The following FMNL3 variants were observed in gnomAD, a reference collection of about 807,000 sequenced individuals.
FMNL3 encodes the protein formin-like protein 3.
A neutral mutation model predicts 119.6 loss-of-function variants in FMNL3; 57 were observed. That is an observed-to-expected ratio of 0.48 (90% CI 0.39 to 0.59). The LOEUF is 0.59. Among genes scored for constraint, FMNL3 ranks in the 20% least tolerant of loss-of-function variants. The pLI, the probability that FMNL3 is intolerant of heterozygous loss-of-function variation, is 0.00. For synonymous variants in FMNL3, 491 were observed against 507.3 expected (o/e 0.97, Z 0.43); for missense variants, 1,053 against 1,323.5 (o/e 0.80, Z 3.17).
rs1000016086 is a variant in FMNL3, at chr12:49,637,274, T to G, written c.*8541A>C. The G allele has an allele frequency of 3.3e-6, 2 of 598,700 alleles. No individual in the cohort carries two copies. The highest frequency in any genetic ancestry group is 3.7e-5 in the African/African-American group (2 of 53,922). 37.1% of individuals were successfully genotyped at this position (598,700 alleles called of 1,614,324 possible). On this transcript the variant is annotated 3_prime_UTR_variant, in exon 26 of 26. Transcript: ENST00000335154. ...TTCTCACCTTTTTGTTCTGTCCCTC[T>G]CTGTGTATTTACTTTCTCTCTTTTT... is the stretch of plus-strand genomic sequence containing the variant.
intron 5 of FMNL3, among the ~76,000 whole-genome samples, chr12:49,660,584 C>A (rs1943704096): frequency 6.6e-6 from 1 of 152,162 alleles, no homozygotes; most frequent in Admixed American, 6.5e-5. Flanking sequence ...ATAGAAGAAG[C>A]ATCAAATTCC....
At position 49,637,964 on chromosome 12, in the gene FMNL3, C is replaced by A; in HGVS notation, c.*7851G>T. ...ATCTACTGTGATCCTTTACTGCACA[C>A]TAGGGATACAGTAATGAATACACAA... On this transcript the variant is annotated 3_prime_UTR_variant, in exon 26 of 26. Transcript: ENST00000335154. 1.5e-6 allele frequency: 1 copy of A among 661,444 alleles called. No individual in the cohort carries two copies. The allele number at this position is 661,444 out of a possible 1,614,324, so 41.0% of individuals were successfully genotyped here.
chr12:49,674,981 A>G (rs371525004), intron 1 of FMNL3, among the ~76,000 whole-genome samples: 103 of 152,278 alleles, frequency 6.8e-4, no homozygotes, highest in African/African-American at 2.3e-3. Flanking sequence ...TCTAAATACA[A>G]TTATACCCCC....
In FMNL3 at chr12:49,703,894, G is replaced by A. The variant is rs181862979; in HGVS notation, c.126+3161C>T. The stretch of plus-strand genomic sequence containing the variant: ...CACAGACACACTTGGGGCTAAGGAA[G>A]CCCTCCAGCTTACAGCAGCAGCCAT... On this transcript the variant is annotated intron_variant, in intron 1 of 25. Coordinates refer to ENST00000335154, the MANE Select transcript of FMNL3 (RefSeq NM_175736.5). Among the ~76,000 whole-genome samples the A allele has an allele frequency of 2.5e-4, 38 of 152,290 alleles. 1 individual carries two copies. In the East Asian group the frequency reaches 7.3e-3, roughly 29 times the overall value.
intron 1 of FMNL3, among the ~76,000 whole-genome samples, chr12:49,703,309 T>C (rs1944958842): frequency 6.6e-6 from 1 of 152,120 alleles, no homozygotes; most frequent in African/African-American, 2.4e-5. Context: ...TGAGTTTGGG[T>C]AGTAATCTAG....
intron 1 of FMNL3, among the ~76,000 whole-genome samples, chr12:49,686,549 G>A (rs1944466434): frequency 7.2e-6 from 1 of 139,396 alleles, no homozygotes; most frequent in African/African-American, 2.8e-5. Flanking sequence ...CTGCACTCCA[G>A]CCTGGGCGAC....
At chr12:49,669,641 G>A (rs1943988523) in intron 1 of FMNL3, among the ~76,000 whole-genome samples, 1 of 152,034 alleles carries the variant, frequency 6.6e-6, no homozygotes, top group Non-Finnish European at 1.5e-5. Flanking sequence ...AGACCAACCT[G>A]GCCAACATTG....
intron 6 of FMNL3, among the ~76,000 whole-genome samples, 165 bp from the exon 7 acceptor site, chr12:49,657,355 T>C (rs926761442): frequency 6.6e-6 from 1 of 152,060 alleles, no homozygotes; most frequent in African/African-American, 2.4e-5. Context: ...GGAGGCAGGG[T>C]GGTCAGCCTG....
Position 49,653,751 on chromosome 12 carries a change from C to G in FMNL3, c.1195G>C (p.Glu399Gln). Residue 399 changes from glutamate (E) to glutamine (Q), a missense_variant, in exon 12 of 26, where the codon GAG becomes CAG. By Grantham distance (29) the Glu-to-Gln change is conservative (BLOSUM62 2). Transcript: ENST00000335154. Reference sequence around the variant, plus strand: ...TGGGACACATGCTCCTCCAACTCCTCCACCTTCTCCAGGGCTACATTCTTG... The same window carrying G: ...TGGGACACATGCTCCTCCAACTCCTGCACCTTCTCCAGGGCTACATTCTTG... ...ETKNVALEKV[E>Q]ELEEHVSHLT... 2.5e-6 allele frequency: 4 copies of G among 1,614,216 alleles called. No homozygotes were observed. The highest frequency in any genetic ancestry group is 3.4e-6 in the Non-Finnish European group (4 of 1,180,034).
At chr12:49,665,428 A>G (rs1214842855) in intron 4 of FMNL3, among the ~76,000 whole-genome samples, 1 of 152,200 alleles carries the variant, frequency 6.6e-6, no homozygotes, top group Non-Finnish European at 1.5e-5. Context: ...CAAAAAGTCC[A>G]AATAGTCACC....
At chr12:49,696,336 T>C (rs1565898240) in intron 1 of FMNL3, among the ~76,000 whole-genome samples, 2 of 151,544 alleles carry the variant, frequency 1.3e-5, no homozygotes, top group Non-Finnish European at 2.9e-5. Flanking sequence ...CTGAGCATAC[T>C]CAAACTCCAC....
In FMNL3 at chr12:49,648,290, C is replaced by A. The variant is rs765320560; in HGVS notation, c.2579G>T (p.Arg860Leu). The change falls in exon 22 of 26, where the codon CGT becomes CTT. Residue 860 changes from arginine to leucine, a missense_variant. By Grantham distance (102) the Arg-to-Leu change is moderately radical. Coordinates refer to ENST00000335154, the MANE Select transcript of FMNL3 (RefSeq NM_175736.5). Reference protein sequence around the residue: ...ELGRGMELIRRECSIHDNSVL... With the variant: ...ELGRGMELIRLECSIHDNSVL... ...GCTGTTGTCATGGATGCTGCACTCA[C>A]GCCGAATCAGCTCCATGCCCCGGCC... The A allele has an allele frequency of 1.9e-6, 3 of 1,613,830 alleles. No homozygotes were observed. In the East Asian group the frequency reaches 6.7e-5, roughly 36 times the overall value.
chr12:49,670,824 G>A (rs576368833), intron 1 of FMNL3, among the ~76,000 whole-genome samples: 5 of 152,326 alleles, frequency 3.3e-5, no homozygotes, highest in African/African-American at 1.2e-4. Context: ...ACAGGAGCAA[G>A]AGGCCTCAAC....
At chr12:49,646,779 G>A in intron 25 of FMNL3, 107 bp downstream of exon 25, 1 of 1,605,360 alleles carries the variant, frequency 6.2e-7, no homozygotes, top group Non-Finnish European at 8.5e-7. Context: ...GAGACACAGT[G>A]GTCAGGCCTC....
chr12:49,706,910 T>G, intron 1 of FMNL3, 145 bp downstream of exon 1: 1 of 989,314 alleles, frequency 1.0e-6, no homozygotes. Context: ...TGCTCAGAGG[T>G]TCCTGGGAAG....
intron 25 of FMNL3, 33 bp downstream of exon 25, chr12:49,646,853 T>C (rs768645159): frequency 1.2e-6 from 2 of 1,611,228 alleles, no homozygotes; most frequent in South Asian, 1.1e-5. Context: ...CTGGGTGCAA[T>C]GGCCAGGCCC....
chr12:49,689,300 G>A (rs1269427701), intron 1 of FMNL3, among the ~76,000 whole-genome samples: 1 of 152,128 alleles, frequency 6.6e-6, no homozygotes, highest in Non-Finnish European at 1.5e-5. Flanking sequence ...TCTAACCTAT[G>A]AGGATTGAGC....
At chr12:49,665,115 A>G (rs1360607772) in intron 4 of FMNL3, among the ~76,000 whole-genome samples, 1 of 151,922 alleles carries the variant, frequency 6.6e-6, no homozygotes, top group Non-Finnish European at 1.5e-5. Context: ...ACCTTTGCAT[A>G]TACCTTTGCT....
In FMNL3 at chr12:49,645,553, T is replaced by C. The variant is rs900319520; in HGVS notation, c.*262A>G. ...TTAGGCTAAGGCTGGAAATGGTTTT[T>C]CCTAGCCCTGAGCTGACCCTTGGTG... On this transcript the variant is annotated 3_prime_UTR_variant, in exon 26 of 26. Transcript: ENST00000335154. 2.6e-5 allele frequency: 12 copies of C among 460,818 alleles called. No homozygotes were observed. Among genetic ancestry groups the C allele is most frequent in the South Asian group, 7.4e-5 (2 of 27,126 alleles). The allele number at this position is 460,818 out of a possible 1,614,324, so 28.5% of individuals were successfully genotyped here.
Sources: gnomAD v4.1 joint callset for allele counts (sites outside exome capture counted in the v4.1 genomes callset) on GRCh38, gnomAD v4.1.1 for gene constraint, MANE v1.5 for transcripts, NCBI Gene and HGNC (gene_info 2026-07-23, HGNC 2026-07-21) for gene names.